Variants in PAPPA observed in about 807,000 individuals in gnomAD.
The protein encoded by PAPPA is pappalysin-1.
A neutral mutation model predicts 164.0 loss-of-function variants in PAPPA; 60 were observed. That is an observed-to-expected ratio of 0.37 (90% confidence interval 0.30 to 0.45). The LOEUF (loss-of-function observed/expected upper bound fraction) is 0.45, where lower values mean the gene tolerates loss of function less well. Among genes scored for constraint, PAPPA ranks in the 20% least tolerant of loss-of-function variants. The pLI is 1.00. For missense variants in PAPPA, 1,782 were observed against 2,087.3 expected, an observed-to-expected ratio of 0.85 and a Z score of 2.85; for synonymous variants, 875 against 814.1, an observed-to-expected ratio of 1.07 and a Z score of -1.27.
intron 3 of PAPPA, 26 bp downstream of exon 3, chr9:116,207,627 G>A (rs1314152636): frequency 6.3e-6 from 10 of 1,597,050 alleles, no homozygotes; most frequent in Non-Finnish European, 8.6e-6. Flanking sequence ...TCCTTCAGGA[G>A]GCAACTAGAG....
chr9:116,401,636 T>C lies in PAPPA; in HGVS notation c.*5020T>C, dbSNP rs1463854315. ...TAATATTTACAAAATAAAACTGTGATCTCGTCTAGAGAAAATGTATTCATA... is the reference window on the plus strand; with the variant it reads ...TAATATTTACAAAATAAAACTGTGACCTCGTCTAGAGAAAATGTATTCATA... On this transcript the variant is annotated 3_prime_UTR_variant, in exon 22 of 22. Coordinates refer to ENST00000328252, the MANE Select transcript of PAPPA (RefSeq NM_002581.5). The C allele has an allele frequency of 6.6e-6, 1 of 151,472 alleles. No individual in the cohort carries two copies. The highest frequency in any genetic ancestry group is 2.4e-5 in the African/African-American group (1 of 41,264). 9.4% of individuals were successfully genotyped at this position (151,472 alleles called of 1,614,324 possible). A position where few individuals can be genotyped will look rare whatever the true frequency, so the allele number is the denominator to read the frequency against.
At chr9:116,267,909 A>G (rs1007075948) in intron 8 of PAPPA, among the ~76,000 whole-genome samples, 2 of 134,440 alleles carry the variant, frequency 1.5e-5, no homozygotes, top group Admixed American at 1.6e-4. Flanking sequence ...AAAAAAAAAA[A>G]GAAATGGCAT....
chr9:116,280,181 G>C (rs1462260278), intron 9 of PAPPA, among the ~76,000 whole-genome samples: 3 of 152,200 alleles, frequency 2.0e-5, no homozygotes, highest in Non-Finnish European at 4.4e-5. Flanking sequence ...GATGCCTGCT[G>C]TATGCCAGGC....
At chr9:116,307,632 A>C (rs1004989471) in intron 10 of PAPPA, among the ~76,000 whole-genome samples, 2 of 152,158 alleles carry the variant, frequency 1.3e-5, no homozygotes, top group Non-Finnish European at 2.9e-5. Context: ...AATACAAACC[A>C]TACTATACCT....
chr9:116,390,662 G>A (rs1846878210), intron 21 of PAPPA, among the ~76,000 whole-genome samples: 1 of 151,496 alleles, frequency 6.6e-6, no homozygotes, highest in African/African-American at 2.4e-5. Context: ...AAAAATTACT[G>A]GCTTCTGGAA....
rs575307678 is a variant in PAPPA at position 116,253,867 on chromosome 9, C to T, written c.2733-11990C>T. ...GCATACTACCAAAATTTTCTAGGTA[C>T]TCAATTTATTCCATCCTACAGGGAA... On this transcript the variant is annotated intron_variant, in intron 7 of 21. Coordinates refer to ENST00000328252, the MANE Select transcript of PAPPA (RefSeq NM_002581.5). 1.5e-3 allele frequency among the ~76,000 whole-genome samples: 226 copies of T among 152,264 alleles called. 2 individuals carry two copies. Among genetic ancestry groups the T allele is most frequent in the African/African-American group, 5.3e-3 (220 of 41,550 alleles).
At chr9:116,265,292 C>CTAT (rs1221714519) in intron 7 of PAPPA, among the ~76,000 whole-genome samples, 2 of 151,778 alleles carry the variant, frequency 1.3e-5, no homozygotes, top group African/African-American at 4.8e-5. Context: ...ATGGATGCTG[C>CTAT]TATTATTATT....
intron 21 of PAPPA, among the ~76,000 whole-genome samples, chr9:116,386,001 G>C (rs1846806273): frequency 6.6e-6 from 1 of 152,196 alleles, no homozygotes. Context: ...TCTGAGGAAG[G>C]GACATTTACA....
In PAPPA at chr9:116,354,339, A is replaced by G. The variant is rs555866700; in HGVS notation, c.4347+546A>G. ...AAGGAATTTTCTTCAAATCCTACACATGCCCAAAAGGATGGTACGGGAATC... is the reference window on the plus strand; with the variant it reads ...AAGGAATTTTCTTCAAATCCTACACGTGCCCAAAAGGATGGTACGGGAATC... On this transcript the variant is annotated intron_variant, in intron 17 of 21. Transcript: ENST00000328252. 3.3e-5 allele frequency among the ~76,000 whole-genome samples: 5 copies of G among 152,308 alleles called. No homozygotes were observed. The East Asian group carries it at 9.7e-4, about 29-fold the overall frequency.
intron 19 of PAPPA, among the ~76,000 whole-genome samples, chr9:116,368,569 T>C (rs1189273225): frequency 2.0e-5 from 3 of 152,254 alleles, no homozygotes; most frequent in African/African-American, 7.2e-5. Flanking sequence ...CTCGCCTTTG[T>C]GTCACCCAAT....
chr9:116,240,756 A>T (rs2118757418), intron 7 of PAPPA, among the ~76,000 whole-genome samples: 1 of 152,334 alleles, frequency 6.6e-6, no homozygotes, highest in South Asian at 2.1e-4. Flanking sequence ...CAAGGGGCAA[A>T]GCTGGGGTCT....
intron 1 of PAPPA, among the ~76,000 whole-genome samples, chr9:116,178,250 G>A (rs1477610401): frequency 2.0e-5 from 3 of 152,076 alleles, no homozygotes; most frequent in African/African-American, 7.2e-5. Flanking sequence ...GGGATTACAG[G>A]CACACATCAC....
chr9:116,155,075 C>G (rs1022361836), intron 1 of PAPPA, among the ~76,000 whole-genome samples: 1 of 152,232 alleles, frequency 6.6e-6, no homozygotes, highest in African/African-American at 2.4e-5. Flanking sequence ...ATGGCCAGGA[C>G]TTAGAAGTCC....
chr9:116,338,272 A>G lies in PAPPA; in HGVS notation c.3611+3198A>G, dbSNP rs935645180. On this transcript the variant is annotated intron_variant, in intron 13 of 21. Coordinates refer to ENST00000328252, the MANE Select transcript of PAPPA (RefSeq NM_002581.5). The stretch of plus-strand genomic sequence containing the variant: ...TTTTTCACATTCGCTTTCTTCCTTT[A>G]TCTCAAACTCTTCCCCATTTCTACA... 5.9e-5 allele frequency among the ~76,000 whole-genome samples: 9 copies of G among 151,460 alleles called. No individual in the cohort carries two copies. In the East Asian group the frequency reaches 1.4e-3, roughly 23 times the overall value.
intron 9 of PAPPA, among the ~76,000 whole-genome samples, chr9:116,283,874 G>A (rs1016672477): frequency 3.3e-5 from 5 of 149,970 alleles, no homozygotes; most frequent in Non-Finnish European, 7.5e-5. Context: ...ACTTCTAAAG[G>A]GACAGGGAGG....
At chr9:116,223,449 T>A (rs932063159) in intron 5 of PAPPA, among the ~76,000 whole-genome samples, 1 of 152,226 alleles carries the variant, frequency 6.6e-6, no homozygotes, top group Non-Finnish European at 1.5e-5. Flanking sequence ...TGTAATGAGA[T>A]ATGTCTCTAT....
At chr9:116,254,144 C>G (rs1381868483) in intron 7 of PAPPA, among the ~76,000 whole-genome samples, 1 of 152,164 alleles carries the variant, frequency 6.6e-6, no homozygotes, top group Non-Finnish European at 1.5e-5. Context: ...CCTACAGCCC[C>G]TACATTTTTT....
chr9:116,317,986 C>T (rs1845807762), intron 10 of PAPPA, among the ~76,000 whole-genome samples: 1 of 152,194 alleles, frequency 6.6e-6, no homozygotes, highest in Admixed American at 6.5e-5. Context: ...ATAACGTGCT[C>T]AGAACTGTGT....
At chr9:116,182,819 G>C (rs185746624) in intron 1 of PAPPA, among the ~76,000 whole-genome samples, 34 of 152,264 alleles carry the variant, frequency 2.2e-4, no homozygotes, top group African/African-American at 7.9e-4. Context: ...CAGCTGGCCA[G>C]GGTTCCAGGG....
Sources: allele counts gnomAD v4.1 joint callset (sites outside exome capture counted in the v4.1 genomes callset), GRCh38; gene constraint gnomAD v4.1.1; transcripts MANE v1.5; gene names NCBI Gene and HGNC (gene_info 2026-07-23, HGNC 2026-07-21).